SLC23A1: variants seen among roughly 807,000 people sequenced by gnomAD.
SLC23A1 encodes the protein solute carrier family 23 member 1.
In SLC23A1, 31 loss-of-function variants were observed where a neutral mutation model predicts 62.5. The ratio of observed to expected loss-of-function variants is 0.50; its 90% CI spans 0.37 to 0.67. The LOEUF is 0.67. Ranked by LOEUF, SLC23A1 falls within the 30% of genes least tolerant of loss-of-function variation. The probability of loss-of-function intolerance (pLI) is 0.00; values close to 1 mark genes in which losing one functional copy is unlikely to be tolerated. For missense variants in SLC23A1, 640 were observed against 782.7 expected (o/e 0.82, Z 2.18); for synonymous variants, 271 against 313.2 (o/e 0.87, Z 1.42).
chr5:139,367,899 C>T (rs1316299695), intron 14 of SLC23A1, among the ~76,000 whole-genome samples: 1 of 152,216 alleles, frequency 6.6e-6, no homozygotes, highest in African/African-American at 2.4e-5. Context: ...CCTATTTTCT[C>T]TTTAGAAAAT....
intron 3 of SLC23A1, among the ~76,000 whole-genome samples, chr5:139,381,614 CAAAAAAAAAAAAAAA>C (rs904456829): frequency 3.4e-4 from 19 of 55,706 alleles, no homozygotes; most frequent in Non-Finnish European, 4.8e-4. Flanking sequence ...ACTCCGTCTC[CAAAAAAAAAAAAAAA>C]AAAAAAAAAA....
Position 139,380,008 on chromosome 5 carries a change from C to G in SLC23A1, c.716G>C (p.Arg239Pro). Residue 239 changes from arginine to proline, a missense_variant, in exon 7 of 15, where the codon CGC (arginine) becomes CCC (proline). By Grantham distance (103) the Arg-to-Pro change is moderately radical. Coordinates refer to ENST00000348729, the MANE Select transcript of SLC23A1 (RefSeq NM_005847.5). ...RNLTFLLPVYRWGKGLTLLRI... is the reference protein window; with the variant it reads ...RNLTFLLPVYPWGKGLTLLRI... ...GAGGAGAGTGAGGCCCTTGCCCCAG[C>G]GGTAGACAGGCAGCAGGAAGGTGAG... The G allele has an allele frequency of 6.2e-7, 1 of 1,613,982 alleles. No homozygotes were observed. The highest frequency in any genetic ancestry group is 8.5e-7 in the Non-Finnish European group (1 of 1,180,012).
chr5:139,381,004 A>C, intron 3 of SLC23A1, 118 bp from the exon 4 acceptor site: 1 of 616,032 alleles, frequency 1.6e-6, no homozygotes, highest in South Asian at 2.1e-5. Flanking sequence ...CACAAGGGAC[A>C]AGGGCAGATG....
chr5:139,368,208 G>A (rs954497708), intron 14 of SLC23A1, among the ~76,000 whole-genome samples: 2 of 152,044 alleles, frequency 1.3e-5, no homozygotes, highest in African/African-American at 4.8e-5. Flanking sequence ...CGTGGCGGTG[G>A]GCGCCTGTAG....
intron 1 of SLC23A1, 23 bp downstream of exon 1, chr5:139,383,195 C>T (rs1758372438): frequency 2.2e-6 from 2 of 895,866 alleles, no homozygotes; most frequent in Non-Finnish European, 3.2e-6. Flanking sequence ...CCCCCCCTAG[C>T]CCCCACCCCC....
chr5:139,371,965 A>T (rs1757692635), intron 14 of SLC23A1, 22 bp downstream of exon 14: 1 of 1,586,332 alleles, frequency 6.3e-7, no homozygotes, highest in Admixed American at 1.7e-5. Context: ...ACCCTCCCAC[A>T]AAAACCATAG....
At position 139,367,390 on chromosome 5, in the gene SLC23A1, A is replaced by G. The variant is rs916083611; in HGVS notation, c.*261T>C. The stretch of plus-strand genomic sequence containing the variant: ...TAGCTGTTCTTCCTAGATGCTGACA[A>G]GTCTACTTAGGAGAGTAAAGATTTA... On this transcript the variant is annotated 3_prime_UTR_variant, in exon 15 of 15. Transcript: ENST00000348729. 1 of 152,162 alleles carries G rather than the reference A, an allele frequency of 6.6e-6. No homozygotes were observed. The highest frequency in any genetic ancestry group is 2.4e-5 in the African/African-American group (1 of 41,438). The allele number at this position is 152,162 out of a possible 1,614,324, so 9.4% of individuals were successfully genotyped here. A position where few individuals can be genotyped will look rare whatever the true frequency, so the allele number is the denominator to read the frequency against.
At position 139,379,777 on chromosome 5, in the gene SLC23A1, C is replaced by T. The variant is rs775489994; in HGVS notation, c.826G>A (p.Val276Met). ...LLCYVLTLTD[V>M]LPTDPKAYGF... ...TAGGCTTTTGGGTCTGTGGGCAGCA[C>T]GTCTGTCAAGGTCAGGACATAGCAG... is the stretch of plus-strand genomic sequence containing the variant. Residue 276 changes from valine (V) to methionine (M), a missense_variant, in exon 8 of 15, where the codon GTG (valine) becomes ATG (methionine). Val to Met is a conservative substitution (Grantham distance 21). Coordinates refer to ENST00000348729, the MANE Select transcript of SLC23A1 (RefSeq NM_005847.5). The surrounding 1 kb of genome is among the most constrained non-coding windows in gnomAD (Gnocchi z 4.7). 16 of 1,613,934 alleles carry T rather than the reference C, an allele frequency of 9.9e-6. No homozygotes were observed. In the Middle Eastern group the frequency reaches 6.6e-4, roughly 66 times the overall value.
intron 14 of SLC23A1, chr5:139,368,730 C>G (rs749159062): frequency 6.2e-7 from 1 of 1,609,322 alleles, no homozygotes; most frequent in Non-Finnish European, 8.5e-7. Context: ...ACTTATTTTC[C>G]AGGTCAAGAG....
chr5:139,377,900 G>A, intron 12 of SLC23A1, 75 bp downstream of exon 12: 3 of 1,442,462 alleles, frequency 2.1e-6, no homozygotes, highest in South Asian at 1.2e-5. Context: ...GCTGTGTGGA[G>A]CCTTTGAGGG....
rs747858412 is a variant in SLC23A1 at position 139,379,363 on chromosome 5, G to A, written c.926-9C>T. ...GGGCAGGCCCCACTGACCTGTGCTC[G>A]GAGGGAGACAGGATGGTGGCTACAG... On this transcript the variant is annotated splice_polypyrimidine_tract_variant and intron_variant, in intron 8 of 14. Coordinates refer to ENST00000348729, the MANE Select transcript of SLC23A1 (RefSeq NM_005847.5). The surrounding 1 kb of genome is among the most constrained non-coding windows in gnomAD (Gnocchi z 4.7). The A allele has an allele frequency of 1.1e-5, 17 of 1,613,546 alleles. 1 individual carries two copies. The highest frequency in any genetic ancestry group is 7.7e-5 in the South Asian group (7 of 91,054).
At chr5:139,382,154 C>A (rs1758304275) in intron 2 of SLC23A1, 105 bp from the exon 3 acceptor site, 2 of 1,208,204 alleles carry the variant, frequency 1.7e-6, no homozygotes, top group South Asian at 2.9e-5. Flanking sequence ...CTGGAACCGG[C>A]TGCCTGCCCA....
chr5:139,379,895 C>T lies in SLC23A1; in HGVS notation c.768+61G>A. 4.3e-6 allele frequency: 7 copies of T among 1,613,794 alleles called. No individual in the cohort carries two copies. The highest frequency in any genetic ancestry group is 1.7e-5 in the Admixed American group (1 of 60,028). On this transcript the variant is annotated intron_variant, in intron 7 of 14. Transcript: ENST00000348729. The surrounding 1 kb of genome is among the most constrained non-coding windows in gnomAD (Gnocchi z 4.7). ...GGAGGTCTCTGTCCAGGCTAACCTGCTCCCACCTCAGCCCAAGCCCTGGCC... is the reference window on the plus strand; with the variant it reads ...GGAGGTCTCTGTCCAGGCTAACCTGTTCCCACCTCAGCCCAAGCCCTGGCC...
rs200503816 is a variant in SLC23A1 at position 139,382,605 on chromosome 5, G to A, written c.37C>T (p.His13Tyr). The A allele has an allele frequency of 3.8e-5, 60 of 1,585,650 alleles. No homozygotes were observed. The highest frequency in any genetic ancestry group is 4.6e-5 in the Non-Finnish European group (53 of 1,154,940). The change falls in exon 2 of 15, where the codon CAT (histidine) becomes TAT (tyrosine). Residue 13 changes from histidine to tyrosine, a missense_variant and splice_region_variant. Transcript: ENST00000348729. ...GTCGAGGGGTCCCTGGTGGTTTCATGCTGGAGGCAGCAGAGATAAGTAGCT... is the reference window on the plus strand; with the variant it reads ...GTCGAGGGGTCCCTGGTGGTTTCATACTGGAGGCAGCAGAGATAAGTAGCT... ...AQEDLEGRTQ[H>Y]ETTRDPSTPL...
chr5:139,382,298 C>G, intron 2 of SLC23A1, 194 bp downstream of exon 2: 1 of 600,374 alleles, frequency 1.7e-6, no homozygotes, highest in Non-Finnish European at 3.0e-6. Flanking sequence ...CCCCACCTGG[C>G]AAGCGTCACA....
intron 1 of SLC23A1, among the ~76,000 whole-genome samples, chr5:139,382,949 C>G (rs574402765): frequency 2.0e-5 from 3 of 152,300 alleles, no homozygotes; most frequent in South Asian, 4.1e-4. Flanking sequence ...TCCGGTCCCA[C>G]CTCTGCCCCC....
At chr5:139,381,801 C>T (rs1290685126) in intron 3 of SLC23A1, 91 bp downstream of exon 3, 28 of 1,104,910 alleles carry the variant, frequency 2.5e-5, no homozygotes, top group Non-Finnish European at 3.1e-5. Flanking sequence ...TTTTTTGTCT[C>T]ACCAGTGTCC....
At chr5:139,380,127 A>G in intron 6 of SLC23A1, 51 bp from the exon 7 acceptor site, 8 of 1,576,238 alleles carry the variant, frequency 5.1e-6, no homozygotes, top group Non-Finnish European at 6.9e-6. Flanking sequence ...GGCTGGGGCC[A>G]GGAGCCGGGA....
In SLC23A1 at chr5:139,379,675, C is replaced by T. The variant is rs201492764; in HGVS notation, c.925+3G>A. Reference sequence around the variant, plus strand: ...GCAGAGGGGCCCAAGGGGTGTTGCTCACAGGGGTAGGGGATGCGGATCCAG... The same window carrying T: ...GCAGAGGGGCCCAAGGGGTGTTGCTTACAGGGGTAGGGGATGCGGATCCAG... On this transcript the variant is annotated splice_donor_region_variant and intron_variant, in intron 8 of 14. Coordinates refer to ENST00000348729, the MANE Select transcript of SLC23A1 (RefSeq NM_005847.5). The surrounding 1 kb of genome is among the most constrained non-coding windows in gnomAD (Gnocchi z 4.7). 3.7e-5 allele frequency: 59 copies of T among 1,609,348 alleles called. No individual in the cohort carries two copies. The highest frequency in any genetic ancestry group is 4.9e-5 in the Non-Finnish European group (58 of 1,177,438).
Sources: allele counts gnomAD v4.1 joint callset (sites outside exome capture counted in the v4.1 genomes callset), GRCh38; gene constraint gnomAD v4.1.1; non-coding constraint Gnocchi (gnomAD v3.1); transcripts MANE v1.5; gene names NCBI Gene and HGNC (gene_info 2026-07-23, HGNC 2026-07-21).